The following DPP6 variants were observed in gnomAD, a reference collection of about 807,000 sequenced individuals.
DPP6 encodes A-type potassium channel modulatory protein DPP6.
DPP6 carries 69 observed loss-of-function variants against 122.6 expected under a neutral mutation model. The observed-to-expected ratio is 0.56, with a 90% CI of 0.46 to 0.69. The LOEUF (loss-of-function observed/expected upper bound fraction) is 0.69, where lower values mean the gene tolerates loss of function less well. DPP6 is among the 30% of genes least tolerant of loss of function. DPP6 has a pLI of 0.00. For missense variants in DPP6, 928 were observed against 1,116.9 expected (o/e 0.83, Z 2.41); for synonymous variants, 418 against 433.1 (o/e 0.97, Z 0.43).
chr7:154,074,144 T>C (rs1803374497), intron 1 of DPP6, among the ~76,000 whole-genome samples: 1 of 148,810 alleles, frequency 6.7e-6, no homozygotes, highest in Non-Finnish European at 1.5e-5. Flanking sequence ...TATCTCTCTA[T>C]ATATGTATAT....
intron 7 of DPP6, among the ~76,000 whole-genome samples, chr7:154,720,734 C>T (rs996676965): frequency 1.3e-5 from 2 of 152,220 alleles, no homozygotes; most frequent in African/African-American, 4.8e-5. Context: ...GCTGAGTGCC[C>T]ACAGGGCAAA....
intron 16 of DPP6, among the ~76,000 whole-genome samples, chr7:154,809,866 T>TTTG (rs200841399): frequency 0.014 from 2,172 of 152,210 alleles, 45 homozygotes; most frequent in African/African-American, 0.044. Context: ...CAACAGCTTA[T>TTTG]TTGTTGTTGT....
intron 1 of DPP6, among the ~76,000 whole-genome samples, chr7:154,156,404 C>A (rs1350721632): frequency 6.6e-6 from 1 of 152,172 alleles, no homozygotes; most frequent in African/African-American, 2.4e-5. Context: ...CATTAATATA[C>A]CCTCTCCCAA....
chr7:154,535,860 A>C (rs1323863660), intron 3 of DPP6, among the ~76,000 whole-genome samples: 1 of 152,164 alleles, frequency 6.6e-6, no homozygotes, highest in African/African-American at 2.4e-5. Context: ...TGTTTAATAG[A>C]CTGATTTTGC....
At chr7:153,826,854 G>GCC in the DPP6 span, among the ~76,000 whole-genome samples, 2 of 151,734 alleles carry the variant, frequency 1.3e-5, no homozygotes, top group African/African-American at 4.8e-5. Context: ...ATATATATAT[G>GCC]CACACACACA....
intron 1 of DPP6, among the ~76,000 whole-genome samples, chr7:154,200,516 G>A (rs1195559799): frequency 6.6e-6 from 1 of 152,114 alleles, no homozygotes; most frequent in Non-Finnish European, 1.5e-5. Context: ...GAAAAGGTTT[G>A]AGGGGCATTT....
At chr7:154,087,345 T>C (rs1804497484) in intron 1 of DPP6, among the ~76,000 whole-genome samples, 1 of 152,116 alleles carries the variant, frequency 6.6e-6, no homozygotes, top group Admixed American at 6.5e-5. Flanking sequence ...AGGAAGGCAC[T>C]GAAGAGTTTA....
intron 3 of DPP6, among the ~76,000 whole-genome samples, chr7:154,500,404 TA>T (rs1825131883): frequency 2.0e-5 from 3 of 152,190 alleles, no homozygotes; most frequent in African/African-American, 7.2e-5. Context: ...AGATAAAGCT[TA>T]TAATATGGTT....
intron 1 of DPP6, among the ~76,000 whole-genome samples, chr7:154,245,024 C>T (rs1463759312): frequency 6.7e-6 from 1 of 149,780 alleles, no homozygotes. Flanking sequence ...AATCTTGGCT[C>T]ACCACAACCT....
chr7:154,814,415 T>A (rs1240809486), intron 16 of DPP6, among the ~76,000 whole-genome samples: 1 of 152,088 alleles, frequency 6.6e-6, no homozygotes, highest in Non-Finnish European at 1.5e-5. Context: ...GAATGAGAAG[T>A]CAGAGAACAT....
intron 1 of DPP6, among the ~76,000 whole-genome samples, chr7:154,091,074 C>T (rs7787533): frequency 0.59 from 87,936 of 149,736 alleles, 26,043 homozygotes; most frequent in Middle Eastern, 0.62. Context: ...TGAGCCGAGA[C>T]TGCGCCACTG....
chr7:154,297,882 C>T (rs78798040), intron 1 of DPP6, among the ~76,000 whole-genome samples: 7,723 of 152,176 alleles, frequency 0.051, 299 homozygotes, highest in Admixed American at 0.12. Context: ...ACAGATGCTG[C>T]GACGAGCTTT....
intron 1 of DPP6, among the ~76,000 whole-genome samples, chr7:154,154,900 A>G (rs1450114267): frequency 6.6e-6 from 1 of 152,182 alleles, no homozygotes; most frequent in Non-Finnish European, 1.5e-5. Context: ...CAGGGCAGAG[A>G]GACAGATGCC....
chr7:154,578,771 G>A (rs1831853346), intron 5 of DPP6, among the ~76,000 whole-genome samples: 1 of 152,084 alleles, frequency 6.6e-6, no homozygotes, highest in African/African-American at 2.4e-5. Flanking sequence ...CGTGAGGGTA[G>A]GTGTGCATAT....
chr7:154,094,073 A>G (rs1478594282), intron 1 of DPP6: 5 of 152,238 alleles, frequency 3.3e-5, no homozygotes, highest in Admixed American at 2.6e-4. Flanking sequence ...GAAATTATCT[A>G]TATAAAATAC....
chr7:154,236,013 C>T (rs537758230), intron 1 of DPP6, among the ~76,000 whole-genome samples: 13 of 152,134 alleles, frequency 8.5e-5, no homozygotes, highest in South Asian at 6.2e-4. Context: ...CCACTACTCC[C>T]GGCTAATTTT....
At chr7:154,335,338 C>T (rs1809315530) in intron 1 of DPP6, among the ~76,000 whole-genome samples, 1 of 152,230 alleles carries the variant, frequency 6.6e-6, no homozygotes, top group Admixed American at 6.5e-5. Context: ...AACAAACTCT[C>T]AATGCCACAT....
chr7:154,466,783 A>C (rs1223561766), intron 2 of DPP6, among the ~76,000 whole-genome samples: 3 of 152,148 alleles, frequency 2.0e-5, no homozygotes, highest in Non-Finnish European at 4.4e-5. Context: ...CTGTTCTCTG[A>C]CCCGCAAAGA....
the DPP6 span, among the ~76,000 whole-genome samples, chr7:153,788,355 T>C: frequency 6.6e-6 from 1 of 152,200 alleles, no homozygotes; most frequent in Non-Finnish European, 1.5e-5. Flanking sequence ...AAGTCGTCTG[T>C]AGACTTTCTG....
Sources: gnomAD v4.1 joint callset for allele counts (sites outside exome capture counted in the v4.1 genomes callset) on GRCh38, gnomAD v4.1.1 for gene constraint, MANE v1.5 for transcripts, NCBI Gene and HGNC (gene_info 2026-07-23, HGNC 2026-07-21) for gene names.